Variants in MBD2 observed in about 807,000 individuals in gnomAD.
MBD2 encodes the protein methyl-CpG binding domain protein 2.
In MBD2, 9 loss-of-function variants were observed where a neutral mutation model predicts 39.3. The observed-to-expected ratio is 0.23, with a 90% CI of 0.14 to 0.40. The LOEUF (loss-of-function observed/expected upper bound fraction) is 0.40. Ranked by LOEUF, MBD2 falls within the 10% of genes least tolerant of loss-of-function variation. MBD2 has a pLI of 1.00. For synonymous variants in MBD2, 233 were observed against 211.1 expected, an observed-to-expected ratio of 1.10 and a Z score of -0.90; for missense variants, 458 against 532.6, an observed-to-expected ratio of 0.86 and a Z score of 1.38.
At position 54,180,624 on chromosome 18, in the gene MBD2, T is replaced by C. The variant is rs139659719; in HGVS notation, c.840+8250A>G. 4.6e-3 allele frequency among the ~76,000 whole-genome samples: 696 copies of C among 152,188 alleles called. 8 individuals carry two copies. Among genetic ancestry groups the C allele is most frequent in the African/African-American group, 0.016 (654 of 41,534 alleles). On this transcript the variant is annotated intron_variant, in intron 3 of 6. Transcript: ENST00000256429. ...CTAACAAGTATATTAATTAGAAATA[T>C]GAAGATAATTATAAAGAGATATGAT...
At position 54,224,652 on chromosome 18, in the gene MBD2, G is replaced by T. The variant is rs565780457; in HGVS notation, c.-93C>A. ...CCCGCCCGCAGCGCGGCGCGCGGGG[G>T]ACGCGCGCAAGCATCATAGAGCGGG... On this transcript the variant is annotated 5_prime_UTR_variant, in exon 1 of 7. Coordinates refer to ENST00000256429, the MANE Select transcript of MBD2 (RefSeq NM_003927.5). 1.0e-5 allele frequency: 10 copies of T among 952,676 alleles called. No homozygotes were observed. The highest frequency in any genetic ancestry group is 3.6e-4 in the Middle Eastern group (1 of 2,760). 59.0% of individuals were successfully genotyped at this position (952,676 alleles called of 1,614,324 possible).
At chr18:54,167,295 A>C (rs1419643551) in intron 3 of MBD2, among the ~76,000 whole-genome samples, 1 of 152,120 alleles carries the variant, frequency 6.6e-6, no homozygotes, top group African/African-American at 2.4e-5. Flanking sequence ...CCAGATAGAC[A>C]ACCTTGGACA....
At position 54,193,548 on chromosome 18, in the gene MBD2, T is replaced by A. The variant is rs113315491; in HGVS notation, c.703-4537A>T. ...CATAAAAATAAATCTTTCTTATTTT[T>A]AAAAATTTTACTTCCTCTCTTTCCA... On this transcript the variant is annotated intron_variant, in intron 2 of 6. Coordinates refer to ENST00000256429, the MANE Select transcript of MBD2 (RefSeq NM_003927.5). 1.3e-3 allele frequency among the ~76,000 whole-genome samples: 194 copies of A among 152,304 alleles called. 1 individual carries two copies. Among genetic ancestry groups the A allele is most frequent in the African/African-American group, 4.4e-3 (185 of 41,578 alleles).
intron 1 of MBD2, among the ~76,000 whole-genome samples, chr18:54,211,328 T>G (rs1273331258): frequency 1.3e-5 from 2 of 151,984 alleles, no homozygotes; most frequent in East Asian, 1.9e-4. Context: ...ATTATTGTTT[T>G]GTACTTAGAT....
chr18:54,165,907 C>A (rs1294242088), intron 4 of MBD2, among the ~76,000 whole-genome samples, 169 bp downstream of exon 4: 1 of 152,192 alleles, frequency 6.6e-6, no homozygotes, highest in African/African-American at 2.4e-5. Context: ...TCTCATGTAC[C>A]TTCTTCCTGG....
At chr18:54,192,969 G>T (rs1255549310) in intron 2 of MBD2, among the ~76,000 whole-genome samples, 1 of 152,140 alleles carries the variant, frequency 6.6e-6, no homozygotes, top group African/African-American at 2.4e-5. Context: ...TCTTATTTTG[G>T]TTTTTAGTAT....
At chr18:54,176,551 C>T (rs562053392) in intron 3 of MBD2, among the ~76,000 whole-genome samples, 14 of 152,308 alleles carry the variant, frequency 9.2e-5, no homozygotes, top group African/African-American at 3.4e-4. Context: ...TCTAGTCACT[C>T]TCAAAAGGCT....
intron 3 of MBD2, among the ~76,000 whole-genome samples, chr18:54,177,284 C>T (rs917682745): frequency 6.6e-6 from 1 of 152,106 alleles, no homozygotes; most frequent in Non-Finnish European, 1.5e-5. Context: ...AAGATGGGGG[C>T]ATGTTCGACT....
intron 1 of MBD2, among the ~76,000 whole-genome samples, chr18:54,218,686 G>A (rs1194518572): frequency 6.6e-6 from 1 of 152,162 alleles, no homozygotes; most frequent in African/African-American, 2.4e-5. Flanking sequence ...TGATAGGCTG[G>A]GCGCGGTGGC....
intron 1 of MBD2, among the ~76,000 whole-genome samples, chr18:54,206,077 C>T: frequency 6.6e-6 from 1 of 152,246 alleles, no homozygotes; most frequent in Non-Finnish European, 1.5e-5. Context: ...TATTTAAATG[C>T]TCTCTAATAC....
intron 2 of MBD2, among the ~76,000 whole-genome samples, chr18:54,196,214 T>C (rs2086365508): frequency 6.6e-6 from 1 of 152,172 alleles, no homozygotes; most frequent in African/African-American, 2.4e-5. Flanking sequence ...ATCCACTTAG[T>C]CTAATATTCT....
intron 5 of MBD2, among the ~76,000 whole-genome samples, chr18:54,161,828 G>A (rs1172498962): frequency 1.3e-5 from 2 of 152,068 alleles, no homozygotes; most frequent in Admixed American, 1.3e-4. Flanking sequence ...TGAATATGAT[G>A]GGATATCTCT....
intron 5 of MBD2, among the ~76,000 whole-genome samples, chr18:54,161,796 T>A (rs1172991401): frequency 6.6e-6 from 1 of 152,184 alleles, no homozygotes; most frequent in African/African-American, 2.4e-5. Flanking sequence ...AATTCTCTCC[T>A]CTTAAGGGTG....
At position 54,205,470 on chromosome 18, in the gene MBD2, A is replaced by G. The variant is rs111500706; in HGVS notation, c.543-313T>C. On this transcript the variant is annotated intron_variant, in intron 1 of 6. Coordinates refer to ENST00000256429, the MANE Select transcript of MBD2 (RefSeq NM_003927.5). ...GCCGGGCATGGTGGTGGGCGCCTGT[A>G]ATCCCAGCTATTCAGGAAGCTGAGG... Among the ~76,000 whole-genome samples, 699 of 152,048 alleles carry G rather than the reference A, an allele frequency of 4.6e-3. 9 individuals carry two copies. Among genetic ancestry groups the G allele is most frequent in the African/African-American group, 0.016 (657 of 41,450 alleles).
At chr18:54,173,371 T>C (rs2086191225) in intron 3 of MBD2, among the ~76,000 whole-genome samples, 1 of 152,172 alleles carries the variant, frequency 6.6e-6, no homozygotes, top group Admixed American at 6.5e-5. Context: ...GCATGGCCCT[T>C]CCTTCTAAGT....
chr18:54,210,245 G>GT (rs1257184644), intron 1 of MBD2, among the ~76,000 whole-genome samples: 1 of 152,018 alleles, frequency 6.6e-6, no homozygotes, highest in Non-Finnish European at 1.5e-5. Flanking sequence ...AACATGAATT[G>GT]TATTTTTCCA....
intron 3 of MBD2, among the ~76,000 whole-genome samples, chr18:54,166,838 G>A (rs1197053521): frequency 6.6e-6 from 1 of 152,174 alleles, no homozygotes; most frequent in Non-Finnish European, 1.5e-5. Context: ...GTGCCCTAGG[G>A]GCTATGGAGC....
intron 1 of MBD2, among the ~76,000 whole-genome samples, chr18:54,214,180 G>C (rs549513269): frequency 2.0e-5 from 3 of 148,972 alleles, no homozygotes; most frequent in South Asian, 2.1e-4. Context: ...TATTTTGTTT[G>C]TTTCTTTCTT....
chr18:54,166,585 G>A (rs2086134446), intron 3 of MBD2, among the ~76,000 whole-genome samples: 1 of 152,240 alleles, frequency 6.6e-6, no homozygotes, highest in East Asian at 1.9e-4. Flanking sequence ...TAGAGAAAGA[G>A]CTACTCCAAT....
Sources: allele counts gnomAD v4.1 joint callset (sites outside exome capture counted in the v4.1 genomes callset), GRCh38; gene constraint gnomAD v4.1.1; transcripts MANE v1.5; gene names NCBI Gene and HGNC (gene_info 2026-07-23, HGNC 2026-07-21).